The following WNT7B variants were observed in gnomAD, a reference collection of about 807,000 sequenced individuals.
WNT7B encodes the protein Wnt family member 7B, also known as protein Wnt-7b.
Under a neutral mutation model 38.2 loss-of-function variants are expected in WNT7B, and 19 were observed. The observed-to-expected ratio is 0.50, with a 90% CI of 0.35 to 0.73. WNT7B has a LOEUF of 0.73. WNT7B is among the 30% of genes least tolerant of loss of function. The pLI is 0.01. For missense variants in WNT7B, 423 were observed against 507.9 expected, an observed-to-expected ratio of 0.83 and a Z score of 1.61; for synonymous variants, 243 against 209.3, an observed-to-expected ratio of 1.16 and a Z score of -1.39.
chr22:45,930,973 C>T, intron 3 of WNT7B, 125 bp downstream of exon 3: 2 of 1,348,572 alleles, frequency 1.5e-6, no homozygotes, highest in South Asian at 1.5e-5. Context: ...CCAGACGGCC[C>T]CACCCCCTGC....
At chr22:45,928,039 G>T (rs1354680903) in intron 3 of WNT7B, among the ~76,000 whole-genome samples, 2 of 152,320 alleles carry the variant, frequency 1.3e-5, no homozygotes, top group African/African-American at 4.8e-5. Flanking sequence ...CTCCCCTGCT[G>T]CCTAGAGGGA....
At chr22:45,930,954 G>T in intron 3 of WNT7B, 144 bp downstream of exon 3, 3 of 1,161,384 alleles carry the variant, frequency 2.6e-6, no homozygotes, top group Non-Finnish European at 2.3e-6. Context: ...AGCCATGCAC[G>T]TGGAGGACCC....
At chr22:45,955,557 C>T (rs1932038596) in intron 1 of WNT7B, among the ~76,000 whole-genome samples, 1 of 152,160 alleles carries the variant, frequency 6.6e-6, no homozygotes, top group African/African-American at 2.4e-5. Context: ...GAAGGTTGGC[C>T]AGGAAGGCTC....
At chr22:45,960,608 G>A (rs1031609485) in intron 1 of WNT7B, among the ~76,000 whole-genome samples, 5 of 152,224 alleles carry the variant, frequency 3.3e-5, no homozygotes, top group Non-Finnish European at 7.3e-5. Flanking sequence ...GGGCTCCTGC[G>A]GCCCACGCTT....
rs116035631 is a variant in WNT7B, at chr22:45,939,126, G to A, written c.299-7757C>T. Among the ~76,000 whole-genome samples, 630 of 152,334 alleles carry A rather than the reference G, an allele frequency of 4.1e-3. 5 individuals carry two copies. The highest frequency in any genetic ancestry group is 0.014 in the African/African-American group (602 of 41,566). ...AATACCAAGTGTTGGTGAGGATGTG[G>A]AGAAATGGGGACCCCTGTATGCTGG... On this transcript the variant is annotated intron_variant, in intron 2 of 3. Transcript: ENST00000339464.
chr22:45,964,534 C>T (rs953428815), intron 1 of WNT7B, among the ~76,000 whole-genome samples: 26 of 152,248 alleles, frequency 1.7e-4, no homozygotes, highest in African/African-American at 6.0e-4. Context: ...CCTGGAAATT[C>T]CCAACACTTC....
rs113028218 is a variant in WNT7B at position 45,923,408 on chromosome 22, C to T, written c.571-73G>A. On this transcript the variant is annotated intron_variant, in intron 3 of 3. Transcript: ENST00000339464. ...CCCCTCTAGGTTCCCCTACCCCTGC[C>T]TCTAGCCCAGCCCTGGAGCCCGCTC... The T allele has an allele frequency of 1.5e-3, 2,236 of 1,519,234 alleles. 19 individuals carry two copies. In the African/African-American group the frequency reaches 0.027, roughly 18 times the overall value. 94.1% of individuals were successfully genotyped at this position (1,519,234 alleles called of 1,614,324 possible).
intron 1 of WNT7B, among the ~76,000 whole-genome samples, chr22:45,957,791 G>T (rs185248626): frequency 6.6e-6 from 1 of 151,682 alleles, no homozygotes; most frequent in South Asian, 2.1e-4. Flanking sequence ...GCCCGCACGG[G>T]GGGTGCTAGC....
chr22:45,928,649 T>G (rs984244706), intron 3 of WNT7B, among the ~76,000 whole-genome samples: 2 of 86,314 alleles, frequency 2.3e-5, no homozygotes, highest in African/African-American at 9.2e-5. Flanking sequence ...ATTTCCCTTC[T>G]GCCTTTCCAT....
At chr22:45,970,096 C>A (rs906156592) in intron 1 of WNT7B, among the ~76,000 whole-genome samples, 1 of 152,212 alleles carries the variant, frequency 6.6e-6, no homozygotes, top group Admixed American at 6.5e-5. Flanking sequence ...CCAAACAAAC[C>A]GGGCAAGGGA....
chr22:45,930,979 C>A lies in WNT7B; in HGVS notation c.570+119G>T, dbSNP rs942315788. 3.0e-5 allele frequency: 41 copies of A among 1,379,332 alleles called. No homozygotes were observed. The East Asian group carries it at 9.9e-4, about 33-fold the overall frequency. The allele number at this position is 1,379,332 out of a possible 1,614,324, so 85.4% of individuals were successfully genotyped here. On this transcript the variant is annotated intron_variant, in intron 3 of 3. Coordinates refer to ENST00000339464, the MANE Select transcript of WNT7B (RefSeq NM_058238.3). Reference sequence around the variant, plus strand: ...GTGGAGGACCCAGACGGCCCCACCCCCTGCACACCTACGGAGACTCAACTG... The same window carrying A: ...GTGGAGGACCCAGACGGCCCCACCCACTGCACACCTACGGAGACTCAACTG...
intron 1 of WNT7B, among the ~76,000 whole-genome samples, chr22:45,957,086 C>T (rs961857223): frequency 7.4e-6 from 1 of 136,038 alleles, no homozygotes; most frequent in Admixed American, 7.7e-5. Flanking sequence ...AGCCTGGTGA[C>T]AGAGCGAGAC....
At chr22:45,970,203 G>A (rs1379372733) in intron 1 of WNT7B, among the ~76,000 whole-genome samples, 1 of 152,230 alleles carries the variant, frequency 6.6e-6, no homozygotes, top group Non-Finnish European at 1.5e-5. Context: ...TGGGGCAGGA[G>A]CTACTGAGGG....
At chr22:45,930,035 A>C (rs1276473114) in intron 3 of WNT7B, among the ~76,000 whole-genome samples, 3 of 150,790 alleles carry the variant, frequency 2.0e-5, no homozygotes, top group African/African-American at 7.5e-5. Context: ...AGAAAGTCAA[A>C]CCCCTGGCCT....
At chr22:45,936,456 T>C (rs901903154) in intron 2 of WNT7B, among the ~76,000 whole-genome samples, 1 of 152,224 alleles carries the variant, frequency 6.6e-6, no homozygotes, top group African/African-American at 2.4e-5. Flanking sequence ...GCCAGCCCCA[T>C]CGGCCCTGCC....
intron 2 of WNT7B, among the ~76,000 whole-genome samples, chr22:45,948,460 G>A (rs74912617): frequency 2.0e-5 from 3 of 152,324 alleles, no homozygotes; most frequent in East Asian, 3.9e-4. Context: ...CCACACCAGC[G>A]TTCCAAGCCC....
At chr22:45,925,971 T>TCCTC in intron 3 of WNT7B, 1 of 946,674 alleles carries the variant, frequency 1.1e-6, no homozygotes, top group Non-Finnish European at 1.3e-6. Context: ...TCCCTCCCCC[T>TCCTC]CCTCCCTCCC....
At position 45,975,544 on chromosome 22, in the gene WNT7B, C is replaced by T; in HGVS notation, c.71+1140G>A. The T allele has an allele frequency of 1.4e-6, 1 of 716,994 alleles. No homozygotes were observed. Among genetic ancestry groups the T allele is most frequent in the Non-Finnish European group, 2.6e-6 (1 of 384,774 alleles). The allele number at this position is 716,994 out of a possible 1,614,324, so 44.4% of individuals were successfully genotyped here. A position where few individuals can be genotyped will look rare whatever the true frequency, so the allele number is the denominator to read the frequency against. Reference sequence around the variant, plus strand: ...CAGGCCTTGGGCCTCAGTTTCTCCACCTGTAAAATGGCGGGGCAGACATGG... The same window carrying T: ...CAGGCCTTGGGCCTCAGTTTCTCCATCTGTAAAATGGCGGGGCAGACATGG... On this transcript the variant is annotated intron_variant, in intron 1 of 3. Coordinates refer to ENST00000339464, the MANE Select transcript of WNT7B (RefSeq NM_058238.3). The surrounding 1 kb of genome is among the most constrained non-coding windows in gnomAD (Gnocchi z 6.6).
At chr22:45,971,211 C>T (rs1455834618) in intron 1 of WNT7B, among the ~76,000 whole-genome samples, 2 of 141,218 alleles carry the variant, frequency 1.4e-5, no homozygotes, top group East Asian at 4.1e-4. Flanking sequence ...CCGCGTCAGG[C>T]GACCCCGGAC....
Sources: gnomAD v4.1 joint callset for allele counts (sites outside exome capture counted in the v4.1 genomes callset) on GRCh38, gnomAD v4.1.1 for gene constraint, Gnocchi (gnomAD v3.1) non-coding constraint, MANE v1.5 for transcripts, NCBI Gene and HGNC (gene_info 2026-07-23, HGNC 2026-07-21) for gene names.